Variants in COL5A1 observed in about 807,000 individuals in gnomAD.
COL5A1 encodes the protein collagen alpha-1(V) chain.
COL5A1 carries 16 observed loss-of-function variants against 263.7 expected under a neutral mutation model. That is an observed-to-expected ratio of 0.06 (90% CI 0.04 to 0.09). The LOEUF is 0.09. Among genes scored for constraint, COL5A1 ranks in the 10% least tolerant of loss-of-function variants. COL5A1 has a pLI of 1.00. For missense variants in COL5A1, 2,036 were observed against 2,540.5 expected (o/e 0.80, Z 4.27); for synonymous variants, 1,012 against 1,004.5 (o/e 1.01, Z -0.14).
Position 134,642,755 on chromosome 9 carries a change from C to T in COL5A1, c.109+459C>T, listed in dbSNP as rs1042739932. On this transcript the variant is annotated intron_variant, in intron 1 of 65. Transcript: ENST00000371817. The surrounding 1 kb of genome is among the most constrained non-coding windows in gnomAD (Gnocchi z 4.5). ...GGACTCCTGGGGATGGGGGGAATCC[C>T]AGAAGCCTGGGCCCCCAGCACTGAA... Among the ~76,000 whole-genome samples, 3 of 152,220 alleles carry T rather than the reference C, an allele frequency of 2.0e-5. No homozygotes were observed. Among genetic ancestry groups the T allele is most frequent in the Non-Finnish European group, 2.9e-5 (2 of 68,038 alleles).
intron 54 of COL5A1, 144 bp downstream of exon 54, chr9:134,817,975 T>C: frequency 1.2e-6 from 1 of 842,304 alleles, no homozygotes. Flanking sequence ...ATGGCCTACC[T>C]GGGGAGGAGA....
chr9:134,781,505 T>G (rs1837254661), intron 28 of COL5A1, among the ~76,000 whole-genome samples: 4 of 152,230 alleles, frequency 2.6e-5, no homozygotes, highest in Admixed American at 6.5e-5. Flanking sequence ...CTTTCATCCT[T>G]TCCAAGGTGG....
intron 2 of COL5A1, among the ~76,000 whole-genome samples, chr9:134,692,763 G>A (rs1833329660): frequency 6.6e-6 from 1 of 152,156 alleles, no homozygotes; most frequent in Admixed American, 6.5e-5. Flanking sequence ...AGGAATACGG[G>A]CTAATTATTG....
chr9:134,803,014 C>T lies in COL5A1; in HGVS notation c.3114+19C>T, dbSNP rs1838169588. 6.4e-7 allele frequency: 1 copy of T among 1,562,294 alleles called. No homozygotes were observed. Among genetic ancestry groups the T allele is most frequent in the East Asian group, 2.3e-5 (1 of 43,712 alleles). On this transcript the variant is annotated intron_variant, in intron 39 of 65. Transcript: ENST00000371817. Reference sequence around the variant, plus strand: ...GACGAAGGTGAGTTTCTGGAGCCTTCTGTGTCAGCTCAGGCGTTTCCTCAG... The same window carrying T: ...GACGAAGGTGAGTTTCTGGAGCCTTTTGTGTCAGCTCAGGCGTTTCCTCAG...
intron 9 of COL5A1, among the ~76,000 whole-genome samples, chr9:134,737,092 C>T (rs1835127732): frequency 6.6e-6 from 1 of 152,236 alleles, no homozygotes; most frequent in African/African-American, 2.4e-5. Context: ...ATGGTGCCTC[C>T]ACTTCCATAG....
chr9:134,787,734 C>G (rs148264370), intron 31 of COL5A1, among the ~76,000 whole-genome samples: 39 of 152,330 alleles, frequency 2.6e-4, no homozygotes, highest in African/African-American at 7.9e-4. Context: ...GATTGTGGGA[C>G]GCCAACACAA....
chr9:134,756,824 T>C lies in COL5A1; in HGVS notation c.1881+6T>C. 6.2e-7 allele frequency: 1 copy of C among 1,613,564 alleles called. No individual in the cohort carries two copies. The highest frequency in any genetic ancestry group is 8.5e-7 in the Non-Finnish European group (1 of 1,179,776). On this transcript the variant is annotated splice_donor_region_variant and intron_variant, in intron 17 of 65. Coordinates refer to ENST00000371817, the MANE Select transcript of COL5A1 (RefSeq NM_000093.5). ...CTGGACAAACTGGCCCCAAGGTAGG[T>C]CACCCACCACCCTCCTGGTGCCCTG...
chr9:134,831,394 TCTC>T (rs1839618360), intron 64 of COL5A1, among the ~76,000 whole-genome samples: 1 of 152,232 alleles, frequency 6.6e-6, no homozygotes, highest in South Asian at 2.1e-4. Context: ...CTTGCAGTCC[TCTC>T]CTCCTTTCCT....
At position 134,809,297 on chromosome 9, in the gene COL5A1, C is replaced by T. The variant is rs550497696; in HGVS notation, c.3474+7C>T. ...TGGAGAAGACGGAGATAAGGTAAGG[C>T]AAATCCAGAGTGACCCATGGCTGGG... On this transcript the variant is annotated splice_region_variant and intron_variant, in intron 43 of 65. Transcript: ENST00000371817. The T allele has an allele frequency of 3.7e-4, 589 of 1,601,344 alleles. 4 individuals carry two copies. Among genetic ancestry groups the T allele is most frequent in the South Asian group, 3.6e-3 (319 of 89,234 alleles).
chr9:134,756,989 G>T (rs2132696322), intron 17 of COL5A1, among the ~76,000 whole-genome samples, 171 bp downstream of exon 17: 1 of 152,288 alleles, frequency 6.6e-6, no homozygotes, highest in South Asian at 2.1e-4. Context: ...TCGCCAGCAA[G>T]CGTGACAGTT....
chr9:134,728,026 C>T (rs549420557), intron 5 of COL5A1, among the ~76,000 whole-genome samples: 13 of 152,336 alleles, frequency 8.5e-5, no homozygotes, highest in East Asian at 1.9e-4. Context: ...ATTTCTCATC[C>T]GTAATATTAA....
rs185335715 is a variant in COL5A1 at position 134,736,170 on chromosome 9, G to T, written c.1390-2304G>T. ...TCCGGTGGCCTGTGGCCTGTGGCCT[G>T]GCTGGACACAACCTTTGACTTGTCA... On this transcript the variant is annotated intron_variant, in intron 9 of 65. Coordinates refer to ENST00000371817, the MANE Select transcript of COL5A1 (RefSeq NM_000093.5). Among the ~76,000 whole-genome samples, 101 of 151,394 alleles carry T rather than the reference G, an allele frequency of 6.7e-4. 1 individual carries two copies. The highest frequency in any genetic ancestry group is 2.4e-3 in the African/African-American group (98 of 41,020).
At chr9:134,668,985 A>ATCCT (rs1832443613) in intron 1 of COL5A1, among the ~76,000 whole-genome samples, 1 of 133,582 alleles carries the variant, frequency 7.5e-6, no homozygotes, top group Admixed American at 7.7e-5. Flanking sequence ...CCATCCATCC[A>ATCCT]TCCACCCACC....
chr9:134,760,548 ACACAC>A (rs1836346906), intron 18 of COL5A1, among the ~76,000 whole-genome samples: 14 of 125,038 alleles, frequency 1.1e-4, no homozygotes, highest in Admixed American at 7.5e-4. Flanking sequence ...ACACCCACAC[ACACAC>A]GCACATACAC....
intron 33 of COL5A1, 52 bp from the exon 34 acceptor site, chr9:134,795,210 G>C: frequency 1.9e-6 from 3 of 1,612,764 alleles, no homozygotes; most frequent in Non-Finnish European, 2.5e-6. Flanking sequence ...GGGGAAGGCA[G>C]TGTCTGTGTG....
chr9:134,695,550 TG>T (rs1833430349), intron 2 of COL5A1, among the ~76,000 whole-genome samples: 1 of 152,170 alleles, frequency 6.6e-6, no homozygotes, highest in Non-Finnish European at 1.5e-5. Context: ...GTCCTCAGCC[TG>T]GGGGCTTTGC....
chr9:134,754,178 C>A lies in COL5A1; in HGVS notation c.1774-95C>A. On this transcript the variant is annotated intron_variant, in intron 15 of 65. Coordinates refer to ENST00000371817, the MANE Select transcript of COL5A1 (RefSeq NM_000093.5). The surrounding 1 kb of genome is among the most constrained non-coding windows in gnomAD (Gnocchi z 4.3). ...CATGTTTGTGGCTTGGACAGCCAGGCATGGGCAGGGTCGATGAGCACAGGG... is the reference window on the plus strand; with the variant it reads ...CATGTTTGTGGCTTGGACAGCCAGGAATGGGCAGGGTCGATGAGCACAGGG... 2 of 1,339,092 alleles carry A rather than the reference C, an allele frequency of 1.5e-6. No individual in the cohort carries two copies. The highest frequency in any genetic ancestry group is 1.1e-6 in the Non-Finnish European group (1 of 944,860). 83.0% of individuals were successfully genotyped at this position (1,339,092 alleles called of 1,614,324 possible).
chr9:134,831,031 C>A (rs1432394077), intron 64 of COL5A1, among the ~76,000 whole-genome samples: 2 of 152,190 alleles, frequency 1.3e-5, no homozygotes, highest in African/African-American at 4.8e-5. Flanking sequence ...TTCTTGGGAT[C>A]CAGTGGCCCC....
intron 2 of COL5A1, among the ~76,000 whole-genome samples, chr9:134,694,916 C>T (rs578048105): frequency 2.0e-5 from 3 of 152,154 alleles, no homozygotes; most frequent in South Asian, 2.1e-4. Context: ...CTGGGATCCA[C>T]GTCCCCACTG....
Sources: allele counts gnomAD v4.1 joint callset (sites outside exome capture counted in the v4.1 genomes callset), GRCh38; gene constraint gnomAD v4.1.1; non-coding constraint Gnocchi (gnomAD v3.1); transcripts MANE v1.5; gene names NCBI Gene and HGNC (gene_info 2026-07-23, HGNC 2026-07-21).